Variants in SLCO3A1 observed in about 807,000 individuals in gnomAD.
The protein encoded by SLCO3A1 is solute carrier organic anion transporter family member 3A1.
Under a neutral mutation model 63.1 loss-of-function variants are expected in SLCO3A1, and 27 were observed. The observed-to-expected ratio is 0.43, with a 90% CI of 0.32 to 0.59. The LOEUF is 0.59. Among genes scored for constraint, SLCO3A1 ranks in the 20% least tolerant of loss-of-function variants. The pLI is 0.09. For missense variants in SLCO3A1, 773 were observed against 945.8 expected, an observed-to-expected ratio of 0.82 and a Z score of 2.40; for synonymous variants, 473 against 409.9, an observed-to-expected ratio of 1.15 and a Z score of -1.86.
intron 2 of SLCO3A1, among the ~76,000 whole-genome samples, chr15:92,026,404 A>G (rs765253228): frequency 4.6e-5 from 7 of 152,210 alleles, no homozygotes; most frequent in Non-Finnish European, 1.0e-4. Flanking sequence ...AGGTGGTGGT[A>G]TGTTTAACAA....
intron 3 of SLCO3A1, among the ~76,000 whole-genome samples, chr15:92,095,747 C>T (rs1486517726): frequency 6.6e-6 from 1 of 152,150 alleles, no homozygotes; most frequent in Admixed American, 6.5e-5. Flanking sequence ...AGACTTGGCT[C>T]ATCGTGGTGA....
chr15:92,063,860 C>CA (rs1399366589), intron 2 of SLCO3A1, among the ~76,000 whole-genome samples: 2 of 149,098 alleles, frequency 1.3e-5, no homozygotes, highest in African/African-American at 5.0e-5. Context: ...AAAAAGCAAA[C>CA]AAACAAAAAA....
intron 2 of SLCO3A1, among the ~76,000 whole-genome samples, chr15:91,992,606 C>T (rs983884779): frequency 2.6e-5 from 4 of 152,194 alleles, no homozygotes; most frequent in African/African-American, 9.7e-5. Context: ...GATCATTGTG[C>T]TGTCGCTAGG....
chr15:92,120,586 G>A lies in SLCO3A1; in HGVS notation c.1131G>A (p.Glu377=). 1 of 1,613,918 alleles carries A rather than the reference G, an allele frequency of 6.2e-7. No individual in the cohort carries two copies. The highest frequency in any genetic ancestry group is 8.5e-7 in the Non-Finnish European group (1 of 1,179,984). The change falls in exon 5 of 10, where the codon GAG becomes GAA. Residue 377 remains glutamate, a synonymous_variant. Coordinates refer to ENST00000318445, the MANE Select transcript of SLCO3A1 (RefSeq NM_013272.4). ...CTGCCTTTTTGGGGAAGTACCTGGA[G>A]CAGCAGTTTAACCTCACCACCTCTT... is the stretch of plus-strand genomic sequence containing the variant. ...GFAAFLGKYL[E]QQFNLTTSSA...
chr15:92,126,028 G>A, intron 5 of SLCO3A1, 33 bp from the exon 6 acceptor site: 1 of 1,601,994 alleles, frequency 6.2e-7, no homozygotes, highest in Non-Finnish European at 8.6e-7. Context: ...CACCTTCCCT[G>A]TTCACAGCCC....
At chr15:91,930,244 A>G (rs1386752457) in intron 2 of SLCO3A1, among the ~76,000 whole-genome samples, 1 of 152,068 alleles carries the variant, frequency 6.6e-6, no homozygotes, top group Non-Finnish European at 1.5e-5. Context: ...CCTCCCTGCC[A>G]CAGGTCAGCT....
At chr15:92,092,621 C>T (rs369970963) in intron 2 of SLCO3A1, among the ~76,000 whole-genome samples, 1 of 152,028 alleles carries the variant, frequency 6.6e-6, no homozygotes, top group Non-Finnish European at 1.5e-5. Context: ...GTGTGGGTGC[C>T]GCTTCTGACT....
At chr15:92,159,285 G>C (rs1364791904) in intron 9 of SLCO3A1, among the ~76,000 whole-genome samples, 1 of 152,132 alleles carries the variant, frequency 6.6e-6, no homozygotes, top group Non-Finnish European at 1.5e-5. Flanking sequence ...AAGAGATCGA[G>C]ACCATCCTGG....
intron 1 of SLCO3A1, among the ~76,000 whole-genome samples, chr15:91,904,650 C>T (rs540431043): frequency 9.9e-5 from 15 of 152,216 alleles, no homozygotes; most frequent in East Asian, 3.9e-4. Flanking sequence ...AGAGGCAGGT[C>T]GGGGAAGGTG....
chr15:92,154,466 TTAG>T (rs1244981783), intron 9 of SLCO3A1, among the ~76,000 whole-genome samples: 1 of 152,226 alleles, frequency 6.6e-6, no homozygotes, highest in Non-Finnish European at 1.5e-5. Flanking sequence ...TTTAATTTTA[TTAG>T]TTTTCACATA....
At chr15:91,966,215 C>T (rs192730487) in intron 2 of SLCO3A1, among the ~76,000 whole-genome samples, 46 of 152,270 alleles carry the variant, frequency 3.0e-4, no homozygotes, top group African/African-American at 1.0e-3. Flanking sequence ...TAACTGCACC[C>T]GTAGCTCAGA....
At chr15:92,081,554 A>T (rs2047346769) in intron 2 of SLCO3A1, among the ~76,000 whole-genome samples, 1 of 151,990 alleles carries the variant, frequency 6.6e-6, no homozygotes, top group Admixed American at 6.6e-5. Flanking sequence ...TTTAGTAGAG[A>T]TAAGGTTTTC....
chr15:92,126,721 G>C (rs2047929073), intron 6 of SLCO3A1, among the ~76,000 whole-genome samples: 1 of 152,190 alleles, frequency 6.6e-6, no homozygotes, highest in Non-Finnish European at 1.5e-5. Flanking sequence ...GAGAAAAAGG[G>C]AGGGAGGAAG....
At chr15:92,008,735 G>T (rs2046338807) in intron 2 of SLCO3A1, among the ~76,000 whole-genome samples, 1 of 152,172 alleles carries the variant, frequency 6.6e-6, no homozygotes, top group Non-Finnish European at 1.5e-5. Context: ...CAGTGATATT[G>T]GCAAATGTGA....
chr15:92,045,618 CT>C (rs147407997), intron 2 of SLCO3A1, among the ~76,000 whole-genome samples: 2,687 of 152,212 alleles, frequency 0.018, 72 homozygotes, highest in African/African-American at 0.061. Flanking sequence ...GTCTTCTACT[CT>C]AGGTCATTTT....
chr15:92,117,774 C>A (rs11074041), intron 4 of SLCO3A1, among the ~76,000 whole-genome samples: 1 of 152,072 alleles, frequency 6.6e-6, no homozygotes, highest in South Asian at 2.1e-4. Flanking sequence ...TGAGGATAGA[C>A]TTGTAACATC....
intron 2 of SLCO3A1, among the ~76,000 whole-genome samples, chr15:91,927,362 G>A (rs924983996): frequency 2.6e-5 from 4 of 151,790 alleles, no homozygotes; most frequent in African/African-American, 9.7e-5. Context: ...AATAGAATCT[G>A]AACTCTCAAA....
At chr15:91,985,225 G>A (rs2046037057) in intron 2 of SLCO3A1, among the ~76,000 whole-genome samples, 1 of 152,154 alleles carries the variant, frequency 6.6e-6, no homozygotes, top group South Asian at 2.1e-4. Flanking sequence ...TGAAATGATG[G>A]CATCTATTCT....
intron 2 of SLCO3A1, among the ~76,000 whole-genome samples, chr15:92,005,823 A>G (rs2046306152): frequency 6.6e-6 from 1 of 152,110 alleles, no homozygotes; most frequent in Admixed American, 6.5e-5. Flanking sequence ...TGGCCTGTCT[A>G]TGTGATAGAA....
Sources: gnomAD v4.1 joint callset for allele counts (sites outside exome capture counted in the v4.1 genomes callset) on GRCh38, gnomAD v4.1.1 for gene constraint, MANE v1.5 for transcripts, NCBI Gene and HGNC (gene_info 2026-07-23, HGNC 2026-07-21) for gene names.